Variants in PLEKHM3 observed in about 807,000 individuals in gnomAD.
PLEKHM3 encodes the protein pleckstrin homology domain-containing family M member 3.
A neutral mutation model predicts 81.8 loss-of-function variants in PLEKHM3; 45 were observed. That is an observed-to-expected ratio of 0.55 (90% CI 0.43 to 0.71). The LOEUF is 0.71. Among genes scored for constraint, PLEKHM3 ranks in the 30% least tolerant of loss-of-function variants. The pLI, the probability that PLEKHM3 is intolerant of heterozygous loss-of-function variation, is 0.00. For synonymous variants in PLEKHM3, 352 were observed against 356.4 expected (o/e 0.99, Z 0.14); for missense variants, 788 against 924.3 (o/e 0.85, Z 1.91).
intron 7 of PLEKHM3, among the ~76,000 whole-genome samples, chr2:207,839,792 T>C (rs997718715): frequency 2.0e-5 from 3 of 152,056 alleles, no homozygotes; most frequent in Non-Finnish European, 2.9e-5. Flanking sequence ...CTGGGTATGG[T>C]AGTACACACC....
intron 7 of PLEKHM3, among the ~76,000 whole-genome samples, chr2:207,829,271 TTTTA>T (rs757105299): frequency 6.6e-6 from 1 of 151,956 alleles, no homozygotes; most frequent in Admixed American, 6.6e-5. Context: ...ACAGCGAAGT[TTTTA>T]TTTATTTATT....
intron 7 of PLEKHM3, chr2:207,852,864 A>T (rs1231166602): frequency 2.4e-6 from 1 of 422,786 alleles, no homozygotes; most frequent in East Asian, 7.0e-5. Flanking sequence ...AAAAGAAAAA[A>T]AAAACCCCAA....
chr2:207,941,052 T>G (rs527863127), intron 4 of PLEKHM3, among the ~76,000 whole-genome samples: 2 of 152,294 alleles, frequency 1.3e-5, no homozygotes, highest in African/African-American at 2.4e-5. Flanking sequence ...AAGATTTGGA[T>G]GATTATTGGG....
chr2:207,956,291 C>A (rs1016780174), intron 3 of PLEKHM3, among the ~76,000 whole-genome samples: 3 of 151,770 alleles, frequency 2.0e-5, no homozygotes, highest in Non-Finnish European at 4.4e-5. Context: ...ATGGTGAAAC[C>A]CCATCTATAC....
chr2:207,868,005 A>G (rs2105823878), intron 6 of PLEKHM3, among the ~76,000 whole-genome samples: 1 of 152,318 alleles, frequency 6.6e-6, no homozygotes, highest in East Asian at 1.9e-4. Flanking sequence ...TATGGGTGAG[A>G]CAAAGTCAAA....
At chr2:208,020,480 G>A (rs1237180415) in intron 1 of PLEKHM3, among the ~76,000 whole-genome samples, 1 of 152,130 alleles carries the variant, frequency 6.6e-6, no homozygotes, top group African/African-American at 2.4e-5. Flanking sequence ...TTGTCAGCAG[G>A]AAGGCAAATT....
chr2:208,005,307 C>A (rs2106100888), intron 1 of PLEKHM3, among the ~76,000 whole-genome samples: 1 of 152,172 alleles, frequency 6.6e-6, no homozygotes, highest in Admixed American at 6.5e-5. Context: ...TTCATATTTC[C>A]CTAATGTCCT....
chr2:207,983,967 G>A lies in PLEKHM3; in HGVS notation c.611-6381C>T, dbSNP rs1057480361. The stretch of plus-strand genomic sequence containing the variant: ...CTGGGTATCTCACAGTCCCTCTCAC[G>A]TCCCTCCTCAGGCTAACACTCTTCA... On this transcript the variant is annotated intron_variant, in intron 2 of 7. Coordinates refer to ENST00000427836, the MANE Select transcript of PLEKHM3 (RefSeq NM_001080475.3). 9.2e-5 allele frequency among the ~76,000 whole-genome samples: 14 copies of A among 152,132 alleles called. 1 individual carries two copies. The highest frequency in any genetic ancestry group is 3.9e-4 in the Admixed American group (6 of 15,274).
intron 1 of PLEKHM3, among the ~76,000 whole-genome samples, chr2:208,015,724 C>A (rs186292589): frequency 1.3e-5 from 2 of 152,322 alleles, no homozygotes; most frequent in Admixed American, 1.3e-4. Flanking sequence ...AAGCCTTTTA[C>A]TAGTGTTTCC....
intron 6 of PLEKHM3, among the ~76,000 whole-genome samples, chr2:207,885,466 C>T (rs565565822): frequency 3.3e-5 from 5 of 152,150 alleles, no homozygotes; most frequent in Non-Finnish European, 5.9e-5. Flanking sequence ...TTCTGAAATC[C>T]GATGTAAAAT....
rs1284830327 is a variant in PLEKHM3 at position 207,976,815 on chromosome 2, G to A, written c.1382C>T (p.Ser461Leu). 6.2e-7 allele frequency: 1 copy of A among 1,614,200 alleles called. No homozygotes were observed. Residue 461 changes from serine to leucine, a missense_variant, in exon 3 of 8, where the codon TCA (serine) becomes TTA (leucine). Physicochemically the swap from Ser to Leu is moderately radical, Grantham distance 145. Transcript: ENST00000427836. The surrounding 1 kb of genome is among the most constrained non-coding windows in gnomAD (Gnocchi z 4.1). The stretch of plus-strand genomic sequence containing the variant: ...CAGTGTGACTTGCAGGTTTTGCTCT[G>A]AACTCCTCGCCACATTGGCAGCTAT... Reference protein sequence around the residue: ...LKIAANVARSSEQNLQVTLRN... With the variant: ...LKIAANVARSLEQNLQVTLRN...
chr2:208,009,427 C>G (rs550729555), intron 1 of PLEKHM3, among the ~76,000 whole-genome samples: 1 of 152,116 alleles, frequency 6.6e-6, no homozygotes, highest in Non-Finnish European at 1.5e-5. Flanking sequence ...GTACCTCCCC[C>G]ACAACATATA....
chr2:207,968,970 C>G (rs1381024681), intron 3 of PLEKHM3, among the ~76,000 whole-genome samples: 1 of 152,144 alleles, frequency 6.6e-6, no homozygotes, highest in African/African-American at 2.4e-5. Flanking sequence ...ATACCTATTC[C>G]CTAACTCTAA....
At chr2:207,995,311 A>G (rs1268198773) in intron 2 of PLEKHM3, among the ~76,000 whole-genome samples, 1 of 152,244 alleles carries the variant, frequency 6.6e-6, no homozygotes, top group Non-Finnish European at 1.5e-5. Flanking sequence ...CAAGGCACAC[A>G]TAAATCTTTC....
intron 5 of PLEKHM3, among the ~76,000 whole-genome samples, chr2:207,927,203 C>T (rs1184923907): frequency 1.3e-5 from 2 of 152,160 alleles, no homozygotes; most frequent in Admixed American, 6.5e-5. Flanking sequence ...TTAAACTCCC[C>T]CACTTTAGAT....
chr2:207,889,465 A>ACACACACC (rs1553549509), intron 6 of PLEKHM3, among the ~76,000 whole-genome samples: 9 of 117,248 alleles, frequency 7.7e-5, no homozygotes, highest in African/African-American at 2.7e-4. Context: ...ACACACACAC[A>ACACACACC]CACACACACA....
chr2:207,880,269 T>C (rs1365738843), intron 6 of PLEKHM3, among the ~76,000 whole-genome samples: 2 of 151,944 alleles, frequency 1.3e-5, no homozygotes, highest in Admixed American at 1.3e-4. Context: ...TAGCTGGGCG[T>C]GGTGGCATGT....
chr2:207,924,854 G>A (rs1232054725), intron 5 of PLEKHM3, among the ~76,000 whole-genome samples: 1 of 152,180 alleles, frequency 6.6e-6, no homozygotes. Context: ...GCATTAGGGA[G>A]CTGGAGGATG....
chr2:207,931,029 C>A lies in PLEKHM3; in HGVS notation c.1783G>T (p.Ala595Ser). The change falls in exon 5 of 8, where the codon GCA becomes TCA. Residue 595 changes from alanine to serine, a missense_variant. Ala to Ser is a moderately conservative substitution (Grantham distance 99, BLOSUM62 1). Coordinates refer to ENST00000427836, the MANE Select transcript of PLEKHM3 (RefSeq NM_001080475.3). ...CGCAGCACGGCGGCCAGCGGCTCTG[C>A]GTGGTGGTACAGCATGGCGTTCTCC... ...QQENAMLYHH[A>S]EPLAAVLRLR... 3.7e-6 allele frequency: 6 copies of A among 1,614,082 alleles called. No homozygotes were observed. The highest frequency in any genetic ancestry group is 5.1e-6 in the Non-Finnish European group (6 of 1,179,938).
Sources: allele counts gnomAD v4.1 joint callset (sites outside exome capture counted in the v4.1 genomes callset), GRCh38; gene constraint gnomAD v4.1.1; non-coding constraint Gnocchi (gnomAD v3.1); transcripts MANE v1.5; gene names NCBI Gene and HGNC (gene_info 2026-07-23, HGNC 2026-07-21).